Variants in ACACB observed in about 807,000 individuals in gnomAD.
ACACB encodes the protein acetyl-CoA carboxylase 2.
Under a neutral mutation model 278.8 loss-of-function variants are expected in ACACB, and 209 were observed. The ratio of observed to expected loss-of-function variants is 0.75; its 90% CI spans 0.67 to 0.84. ACACB has a LOEUF of 0.84. ACACB is among the 40% of genes least tolerant of loss of function. ACACB has a pLI of 0.00. For synonymous variants in ACACB, 1,174 were observed against 1,285.6 expected, an observed-to-expected ratio of 0.91 and a Z score of 1.86; for missense variants, 2,850 against 3,269.0, an observed-to-expected ratio of 0.87 and a Z score of 3.13.
chr12:109,231,759 C>T (rs1373058014), intron 28 of ACACB, among the ~76,000 whole-genome samples: 2 of 152,180 alleles, frequency 1.3e-5, no homozygotes, highest in Admixed American at 1.3e-4. Flanking sequence ...AGTGGATTCA[C>T]GCAGGGTGCA....
chr12:109,182,847 T>G (rs1489450263), intron 11 of ACACB, among the ~76,000 whole-genome samples: 2 of 152,224 alleles, frequency 1.3e-5, no homozygotes, highest in Non-Finnish European at 2.9e-5. Flanking sequence ...TCTGTGCCTT[T>G]GGGGTATTAC....
intron 16 of ACACB, among the ~76,000 whole-genome samples, chr12:109,195,313 G>T (rs1020423098): frequency 3.9e-5 from 6 of 152,176 alleles, no homozygotes; most frequent in Admixed American, 3.3e-4. Context: ...TCTTTAATTA[G>T]TACTTTCTAT....
At position 109,245,739 on chromosome 12, in the gene ACACB, T is replaced by G. The variant is rs773932130; in HGVS notation, c.5292T>G (p.Gly1764=). The G allele has an allele frequency of 1.5e-5, 24 of 1,613,768 alleles. No homozygotes were observed. In the African/African-American group the frequency reaches 2.7e-4, roughly 18 times the overall value. ...GQLVEMNRLP[G]GNEVGMVAFK... is the part of the protein sequence containing the mutation. ...TGGTGGAGATGAACCGACTTCCTGG[T>G]GGAAATGAGGTAATAGCTCAGCGGA... The change falls in exon 38 of 53, where the codon GGT becomes GGG. Residue 1764 remains glycine, a synonymous_variant. Transcript: ENST00000338432.
At chr12:109,181,808 A>G (rs1217231538) in intron 11 of ACACB, among the ~76,000 whole-genome samples, 2 of 143,976 alleles carry the variant, frequency 1.4e-5, no homozygotes, top group East Asian at 4.0e-4. Flanking sequence ...CGTCCTTGCT[A>G]GCACTTCTTT....
chr12:109,220,489 T>C (rs1384164869), intron 24 of ACACB, among the ~76,000 whole-genome samples: 4 of 152,188 alleles, frequency 2.6e-5, no homozygotes, highest in Non-Finnish European at 4.4e-5. Context: ...AACTAAAATA[T>C]ACAAGATGAG....
chr12:109,244,137 T>A (rs2046877204), intron 37 of ACACB, among the ~76,000 whole-genome samples: 1 of 152,082 alleles, frequency 6.6e-6, no homozygotes, highest in Non-Finnish European at 1.5e-5. Flanking sequence ...CAAACAAATT[T>A]ACAAGAAAAA....
At chr12:109,260,177 T>A (rs1347318237) in intron 47 of ACACB, 1 of 1,428,576 alleles carries the variant, frequency 7.0e-7, no homozygotes, top group Admixed American at 1.8e-5. Flanking sequence ...TTGCTGGAAA[T>A]GGTGGGGCAG....
intron 4 of ACACB, among the ~76,000 whole-genome samples, chr12:109,168,658 A>T (rs246091): frequency 0.47 from 71,937 of 151,708 alleles, 19,166 homozygotes; most frequent in Middle Eastern, 0.7. Flanking sequence ...TCTACAAAAA[A>T]TAAAAATAAA....
chr12:109,200,834 G>A (rs2045308269), intron 18 of ACACB, among the ~76,000 whole-genome samples: 2 of 152,210 alleles, frequency 1.3e-5, no homozygotes, highest in African/African-American at 4.8e-5. Context: ...GGCAGGATCT[G>A]CATCTCATTC....
In ACACB at chr12:109,182,705, G is replaced by A. The variant is rs151239359; in HGVS notation, c.1818+2618G>A. Reference sequence around the variant, plus strand: ...TATGTATTCTGGTTATTAATCCCTCGTCAGGTGGCTAGTTTACAAATGTTT... The same window carrying A: ...TATGTATTCTGGTTATTAATCCCTCATCAGGTGGCTAGTTTACAAATGTTT... On this transcript the variant is annotated intron_variant, in intron 11 of 52. Transcript: ENST00000338432. Among the ~76,000 whole-genome samples the A allele has an allele frequency of 2.0e-3, 303 of 152,218 alleles. 1 individual carries two copies. The highest frequency in any genetic ancestry group is 6.0e-3 in the African/African-American group (248 of 41,530).
intron 45 of ACACB, among the ~76,000 whole-genome samples, chr12:109,257,147 A>G (rs991491229): frequency 7.9e-5 from 12 of 152,104 alleles, no homozygotes; most frequent in Middle Eastern, 3.4e-3. Flanking sequence ...GGTGGCAGGC[A>G]CCTGTAATCC....
intron 24 of ACACB, among the ~76,000 whole-genome samples, chr12:109,219,381 A>G (rs1243422056): frequency 1.3e-4 from 20 of 152,182 alleles, no homozygotes; most frequent in Admixed American, 1.2e-3. Context: ...CTGGCTGTAC[A>G]TTAGAATCAC....
intron 28 of ACACB, among the ~76,000 whole-genome samples, chr12:109,231,316 G>A (rs1422451689): frequency 3.3e-5 from 5 of 152,164 alleles, no homozygotes; most frequent in African/African-American, 1.2e-4. Flanking sequence ...AGCAGAAGCA[G>A]GAAATCTATT....
intron 2 of ACACB, 96 bp from the exon 3 acceptor site, chr12:109,166,765 G>C: frequency 6.6e-7 from 1 of 1,512,762 alleles, no homozygotes; most frequent in Non-Finnish European, 9.0e-7. Context: ...CTCTGGTGCA[G>C]TTTGGCTCCT....
chr12:109,265,574 C>T (rs1404594415), intron 52 of ACACB, 49 bp downstream of exon 52: 1 of 1,596,180 alleles, frequency 6.3e-7, no homozygotes, highest in South Asian at 1.1e-5. Flanking sequence ...AGGACCCGAG[C>T]CTGGATTGAC....
At chr12:109,146,914 A>G (rs746076491) in intron 2 of ACACB, among the ~76,000 whole-genome samples, 3 of 152,118 alleles carry the variant, frequency 2.0e-5, no homozygotes, top group Non-Finnish European at 4.4e-5. Context: ...AGCTCAAGCA[A>G]TCTGCCCACC....
Position 109,265,272 on chromosome 12 carries a change from GC to G in ACACB, c.7106del (p.Ala2369ValfsTer38). On this transcript the variant is annotated frameshift_variant, in exon 51 of 53. Coordinates refer to ENST00000338432, the MANE Select transcript of ACACB (RefSeq NM_001093.4). LOFTEE classifies it high-confidence loss of function. ...TCGCTGGTTCGTGGAGACGGAGGGG[GC>G]TGTCAAGGTGGGCCTGGGGTGAGAA... ...LRRWFVETEG[A>X]VKAYLWDNNQ... The G allele has an allele frequency of 1.2e-6, 2 of 1,612,668 alleles. No homozygotes were observed. The highest frequency in any genetic ancestry group is 1.7e-6 in the Non-Finnish European group (2 of 1,179,894).
At chr12:109,168,120 C>G in intron 4 of ACACB, 86 bp downstream of exon 4, 1 of 1,436,208 alleles carries the variant, frequency 7.0e-7, no homozygotes, top group Non-Finnish European at 9.4e-7. Flanking sequence ...CAAGTCCATC[C>G]TGGACTCCCG....
intron 1 of ACACB, among the ~76,000 whole-genome samples, chr12:109,136,350 A>G (rs914987186): frequency 6.6e-6 from 1 of 152,188 alleles, no homozygotes; most frequent in Non-Finnish European, 1.5e-5. Flanking sequence ...ATAAATCTGT[A>G]TATTCCTTTG....
Sources: allele counts gnomAD v4.1 joint callset (sites outside exome capture counted in the v4.1 genomes callset), GRCh38; gene constraint gnomAD v4.1.1; transcripts MANE v1.5; gene names NCBI Gene and HGNC (gene_info 2026-07-23, HGNC 2026-07-21).